The following PCDH15 variants were observed in gnomAD, a reference collection of about 807,000 sequenced individuals.
PCDH15 encodes the protein protocadherin-15.
Under a neutral mutation model 178.5 loss-of-function variants are expected in PCDH15, and 129 were observed. That is an observed-to-expected ratio of 0.72 (90% CI 0.63 to 0.84). The LOEUF is 0.84. Ranked by LOEUF, PCDH15 falls within the 40% of genes least tolerant of loss-of-function variation. The pLI is 0.00. For missense variants in PCDH15, 2,230 were observed against 2,099.9 expected (o/e 1.06, Z -1.21); for synonymous variants, 800 against 732.0 (o/e 1.09, Z -1.50).
At chr10:55,291,888 C>T (rs1289080340) in intron 1 of PCDH15, among the ~76,000 whole-genome samples, 3 of 152,106 alleles carry the variant, frequency 2.0e-5, no homozygotes, top group East Asian at 3.9e-4. Flanking sequence ...AGGGAAACTG[C>T]CCCCTATAAA....
intron 2 of PCDH15, among the ~76,000 whole-genome samples, chr10:55,071,384 G>A (rs373379983): frequency 1.3e-5 from 2 of 152,058 alleles, no homozygotes; most frequent in African/African-American, 2.4e-5. Context: ...TAGGCTCAAA[G>A]TAAAAGGATG....
intron 1 of PCDH15, among the ~76,000 whole-genome samples, chr10:55,284,666 T>G (rs2132261080): frequency 6.6e-6 from 1 of 152,202 alleles, no homozygotes; most frequent in Non-Finnish European, 1.5e-5. Context: ...ATATTTTCTT[T>G]ACTATCCCAC....
intron 14 of PCDH15, among the ~76,000 whole-genome samples, chr10:54,135,202 C>CA (rs11299964): frequency 2.1e-3 from 253 of 118,050 alleles, no homozygotes; most frequent in East Asian, 5.7e-3. Flanking sequence ...GACTCTGTCT[C>CA]AAAAAAAAAA....
chr10:55,616,772 T>C (rs560296465), intron 2 of PCDH15, among the ~76,000 whole-genome samples: 1 of 152,248 alleles, frequency 6.6e-6, no homozygotes, highest in Admixed American at 6.5e-5. Context: ...CACTGAATAT[T>C]AGCACTGGTT....
intron 2 of PCDH15, among the ~76,000 whole-genome samples, chr10:55,125,605 C>G (rs1347700980): frequency 6.6e-6 from 1 of 151,944 alleles, no homozygotes; most frequent in Non-Finnish European, 1.5e-5. Context: ...GTAGTCTTGT[C>G]TATTGGATGA....
At chr10:54,203,691 A>G (rs550365583) in intron 10 of PCDH15, among the ~76,000 whole-genome samples, 1 of 152,280 alleles carries the variant, frequency 6.6e-6, no homozygotes, top group Admixed American at 6.5e-5. Context: ...CCTGGACACC[A>G]CACCTCTTGC....
At chr10:55,267,218 T>C (rs1842322659) in intron 1 of PCDH15, among the ~76,000 whole-genome samples, 1 of 152,172 alleles carries the variant, frequency 6.6e-6, no homozygotes. Context: ...ATAGGCATTG[T>C]TAAAGATATA....
At chr10:54,347,999 C>T (rs1943579871) in intron 5 of PCDH15, among the ~76,000 whole-genome samples, 1 of 151,982 alleles carries the variant, frequency 6.6e-6, no homozygotes, top group Admixed American at 6.6e-5. Context: ...CAGGCGCCCA[C>T]CACCACGCCC....
At chr10:54,698,464 G>A (rs2135914593) in intron 1 of PCDH15, among the ~76,000 whole-genome samples, 1 of 152,196 alleles carries the variant, frequency 6.6e-6, no homozygotes, top group South Asian at 2.1e-4. Context: ...GTCTGTTGCT[G>A]AGCAGAGAAA....
At chr10:54,508,369 G>T (rs2081349365) in intron 3 of PCDH15, among the ~76,000 whole-genome samples, 1 of 151,888 alleles carries the variant, frequency 6.6e-6, no homozygotes, top group South Asian at 2.1e-4. Context: ...AAAAAACTGG[G>T]CAAGCCTCAG....
At chr10:54,546,565 T>C (rs898508161) in intron 2 of PCDH15, among the ~76,000 whole-genome samples, 3 of 152,230 alleles carry the variant, frequency 2.0e-5, no homozygotes, top group Admixed American at 1.3e-4. Context: ...ACAAACACAA[T>C]TTGGAAGCAA....
chr10:55,525,169 G>C (rs1841276118), intron 2 of PCDH15, among the ~76,000 whole-genome samples: 1 of 151,824 alleles, frequency 6.6e-6, no homozygotes, highest in Non-Finnish European at 1.5e-5. Context: ...GAATAAAACA[G>C]AAAGGTATAG....
intron 1 of PCDH15, among the ~76,000 whole-genome samples, chr10:55,295,052 G>C (rs1290631293): frequency 6.6e-6 from 1 of 151,976 alleles, no homozygotes; most frequent in African/African-American, 2.4e-5. Context: ...TATTTCAAAG[G>C]CTGAAGACTC....
intron 2 of PCDH15, among the ~76,000 whole-genome samples, chr10:55,392,970 C>T (rs751565364): frequency 6.3e-5 from 9 of 143,746 alleles, no homozygotes; most frequent in Non-Finnish European, 9.1e-5. Context: ...AATCTAAGAA[C>T]TAAAGTGTAT....
chr10:54,565,600 G>T (rs1442412344), intron 2 of PCDH15, among the ~76,000 whole-genome samples: 1 of 152,110 alleles, frequency 6.6e-6, no homozygotes, highest in Non-Finnish European at 1.5e-5. Flanking sequence ...AAAATTGTCT[G>T]GAAAGAGCAT....
At chr10:53,831,648 G>A (rs947746868) in intron 29 of PCDH15, 115 bp from the exon 30 acceptor site, 2 of 739,550 alleles carry the variant, frequency 2.7e-6, no homozygotes, top group African/African-American at 3.6e-5. Context: ...CACAAGCTGA[G>A]TCAGAAGTCT....
At chr10:55,350,836 C>A (rs1358072829) in intron 2 of PCDH15, among the ~76,000 whole-genome samples, 2 of 152,062 alleles carry the variant, frequency 1.3e-5, no homozygotes, top group African/African-American at 4.8e-5. Context: ...ATGGGAAATT[C>A]TCACACAACT....
chr10:54,742,673 C>T (rs151189897), intron 1 of PCDH15, among the ~76,000 whole-genome samples: 12 of 151,974 alleles, frequency 7.9e-5, no homozygotes, highest in Admixed American at 2.6e-4. Flanking sequence ...AGGGTGAAGT[C>T]GGGACATGTT....
At chr10:53,938,464 G>A (rs1402238199) in intron 25 of PCDH15, among the ~76,000 whole-genome samples, 3 of 151,982 alleles carry the variant, frequency 2.0e-5, no homozygotes, top group Non-Finnish European at 2.9e-5. Context: ...CACAATTCAG[G>A]CAATTTCTAG....
Sources: allele counts gnomAD v4.1 joint callset (sites outside exome capture counted in the v4.1 genomes callset), GRCh38; gene constraint gnomAD v4.1.1; transcripts MANE v1.5; gene names NCBI Gene and HGNC (gene_info 2026-07-23, HGNC 2026-07-21).